NFATC2: variants seen among roughly 807,000 people sequenced by gnomAD.
The protein encoded by NFATC2 is nuclear factor of activated T cells 2, also known as nuclear factor of activated T-cells, cytoplasmic 2.
NFATC2 carries 22 observed loss-of-function variants against 87.3 expected under a neutral mutation model. That is an observed-to-expected ratio of 0.25 (90% confidence interval 0.18 to 0.36). NFATC2 has a LOEUF of 0.36. Among genes scored for constraint, NFATC2 ranks in the 10% least tolerant of loss-of-function variants. NFATC2 has a pLI of 1.00. For missense variants in NFATC2, 1,149 were observed against 1,259.1 expected (o/e 0.91, Z 1.32); for synonymous variants, 565 against 542.2 (o/e 1.04, Z -0.58).
chr20:51,473,266 A>G (rs1003665607), intron 5 of NFATC2, among the ~76,000 whole-genome samples: 6 of 152,044 alleles, frequency 3.9e-5, no homozygotes, highest in African/African-American at 7.2e-5. Flanking sequence ...CTGCTCATCT[A>G]TGGATCCCCA....
chr20:51,449,522 G>A (rs867420182), intron 6 of NFATC2, among the ~76,000 whole-genome samples: 7 of 152,204 alleles, frequency 4.6e-5, no homozygotes, highest in South Asian at 4.1e-4. Context: ...ACACACTAGA[G>A]AATTCAAACT....
At chr20:51,445,236 C>T (rs545551384) in intron 6 of NFATC2, among the ~76,000 whole-genome samples, 4 of 152,226 alleles carry the variant, frequency 2.6e-5, no homozygotes, top group South Asian at 2.1e-4. Context: ...CTCACTCTCA[C>T]GACGCACCAG....
intron 3 of NFATC2, among the ~76,000 whole-genome samples, chr20:51,492,601 G>C (rs957429931): frequency 6.6e-6 from 1 of 152,214 alleles, no homozygotes; most frequent in African/African-American, 2.4e-5. Flanking sequence ...GGGACTGTGC[G>C]GGGCCCTCTG....
At chr20:51,439,740 T>G (rs1172590517) in intron 6 of NFATC2, among the ~76,000 whole-genome samples, 1 of 152,162 alleles carries the variant, frequency 6.6e-6, no homozygotes, top group Non-Finnish European at 1.5e-5. Context: ...TGCTCTGCCA[T>G]TTTACTCCCA....
At chr20:51,466,138 C>T (rs1488672969) in intron 5 of NFATC2, among the ~76,000 whole-genome samples, 4 of 152,162 alleles carry the variant, frequency 2.6e-5, no homozygotes, top group Admixed American at 6.5e-5. Context: ...CTGCAACCTC[C>T]GCCTCCCGGG....
intron 9 of NFATC2, among the ~76,000 whole-genome samples, chr20:51,426,943 T>A (rs1271634916): frequency 6.6e-6 from 1 of 152,198 alleles, no homozygotes; most frequent in Non-Finnish European, 1.5e-5. Flanking sequence ...GATTTAAGAA[T>A]AAGCAGACTG....
intron 6 of NFATC2, among the ~76,000 whole-genome samples, chr20:51,443,332 T>C (rs113190384): frequency 2.1e-4 from 32 of 152,336 alleles, no homozygotes; most frequent in African/African-American, 7.0e-4. Context: ...TCCTTAGCTC[T>C]ACAGCATCTG....
intron 5 of NFATC2, among the ~76,000 whole-genome samples, chr20:51,464,288 G>T (rs903600448): frequency 1.3e-5 from 2 of 152,248 alleles, no homozygotes; most frequent in Non-Finnish European, 2.9e-5. Context: ...GATCACGTCT[G>T]GCACTTACTG....
Position 51,432,704 on chromosome 20 carries a change from G to A in NFATC2, c.2085C>T (p.Cys695=). 2 of 1,584,946 alleles carry A rather than the reference G, an allele frequency of 1.3e-6. No homozygotes were observed. The highest frequency in any genetic ancestry group is 1.1e-5 in the South Asian group (1 of 88,806). ...TCCCCAGGCCTCCATGGGTGGGGCT[G>A]CAGATCAGAGTGGGGTCATATTCAT... is the stretch of plus-strand genomic sequence containing the variant. ...PTDEYDPTLI[C]SPTHGGLGSQ... is the part of the protein sequence containing the mutation. The change falls in exon 9 of 11, where the codon TGC becomes TGT. Residue 695 remains cysteine, a synonymous_variant. Coordinates refer to ENST00000371564, the MANE Select transcript of NFATC2 (RefSeq NM_012340.5). The surrounding 1 kb of genome is among the most constrained non-coding windows in gnomAD (Gnocchi z 4.6).
intron 3 of NFATC2, among the ~76,000 whole-genome samples, chr20:51,503,131 A>G (rs575304441): frequency 4.5e-4 from 68 of 152,296 alleles, no homozygotes; most frequent in Non-Finnish European, 7.9e-4. Flanking sequence ...CAGAGAACCA[A>G]TGGCACTGGG....
chr20:51,501,259 T>C (rs888992826), intron 3 of NFATC2, among the ~76,000 whole-genome samples: 2 of 152,198 alleles, frequency 1.3e-5, no homozygotes, highest in Non-Finnish European at 2.9e-5. Flanking sequence ...ACACAGCTGT[T>C]GTGCCATGCA....
intron 1 of NFATC2, among the ~76,000 whole-genome samples, chr20:51,561,484 AAAGCAAGCAAGCAAGCAAGCAAGCAAGC>A (rs377087625): frequency 7.2e-4 from 65 of 90,048 alleles, no homozygotes; most frequent in African/African-American, 1.1e-3. Flanking sequence ...AGAAAGAAAG[AAAGCAAGCAAGCAAGCAAGCAAGCAAGC>A]AAGCAAGCAA....
At chr20:51,391,479 AG>A in intron 10 of NFATC2, 28 bp from the exon 11 acceptor site, 1 of 1,304,666 alleles carries the variant, frequency 7.7e-7, no homozygotes, top group Non-Finnish European at 1.1e-6. Flanking sequence ...AGGGGGGGGG[AG>A]AGAGAATGGG....
intron 9 of NFATC2, among the ~76,000 whole-genome samples, chr20:51,430,278 A>G (rs557609733): frequency 6.6e-6 from 1 of 152,166 alleles, no homozygotes; most frequent in African/African-American, 2.4e-5. Context: ...AATACAATCG[A>G]TCCCCCAGGG....
chr20:51,428,295 G>C (rs1182056668), intron 9 of NFATC2, among the ~76,000 whole-genome samples: 2 of 152,210 alleles, frequency 1.3e-5, no homozygotes, highest in Non-Finnish European at 2.9e-5. Context: ...GCAAGTGACG[G>C]TGTATGAACC....
intron 3 of NFATC2, among the ~76,000 whole-genome samples, chr20:51,479,586 C>T (rs1475583801): frequency 6.6e-6 from 1 of 152,236 alleles, no homozygotes; most frequent in Non-Finnish European, 1.5e-5. Context: ...TGCCACTGCA[C>T]TCCAGCCTGG....
intron 3 of NFATC2, among the ~76,000 whole-genome samples, chr20:51,514,221 A>G (rs1420562032): frequency 6.6e-6 from 1 of 152,242 alleles, no homozygotes; most frequent in Non-Finnish European, 1.5e-5. Context: ...ATCAAGCACC[A>G]TGCCTGGTAC....
intron 9 of NFATC2, among the ~76,000 whole-genome samples, chr20:51,401,438 G>A (rs1290405575): frequency 6.6e-6 from 1 of 152,100 alleles, no homozygotes; most frequent in African/African-American, 2.4e-5. Flanking sequence ...AAGAGACAAA[G>A]ACCAGTCTAA....
In NFATC2 at chr20:51,523,803, G is replaced by A. The variant is rs571362078; in HGVS notation, c.438C>T (p.Ala146=). 8.1e-6 allele frequency: 13 copies of A among 1,608,880 alleles called. No homozygotes were observed. Among genetic ancestry groups the A allele is most frequent in the East Asian group, 4.5e-5 (2 of 44,716 alleles). ...LVEQPPLAGV[A]ASPRFTLPVP... is the part of the protein sequence containing the mutation. ...CGGGCAGGGTGAACCTCGGGCTGGC[G>A]GCCACCCCGGCCAGGGGCGGCTGCT... is the stretch of plus-strand genomic sequence containing the variant. The change falls in exon 2 of 11, where the codon GCC becomes GCT. Residue 146 remains alanine (A), a synonymous_variant. Coordinates refer to ENST00000371564, the MANE Select transcript of NFATC2 (RefSeq NM_012340.5). The surrounding 1 kb of genome is among the most constrained non-coding windows in gnomAD (Gnocchi z 6.9).
Sources: allele counts gnomAD v4.1 joint callset (sites outside exome capture counted in the v4.1 genomes callset), GRCh38; gene constraint gnomAD v4.1.1; non-coding constraint Gnocchi (gnomAD v3.1); transcripts MANE v1.5; gene names NCBI Gene and HGNC (gene_info 2026-07-23, HGNC 2026-07-21).